KANSL1L: variants seen among roughly 807,000 people sequenced by gnomAD.
The protein encoded by KANSL1L is KAT8 regulatory NSL complex subunit 1-like protein.
Under a neutral mutation model 108.6 loss-of-function variants are expected in KANSL1L, and 25 were observed. The observed-to-expected ratio is 0.23, with a 90% CI of 0.17 to 0.32. The LOEUF is 0.32. Among genes scored for constraint, KANSL1L ranks in the 10% least tolerant of loss-of-function variants. The probability of loss-of-function intolerance (pLI) is 1.00; values close to 1 mark genes in which losing one functional copy is unlikely to be tolerated. For missense variants in KANSL1L, 1,137 were observed against 1,125.7 expected, an observed-to-expected ratio of 1.01 and a Z score of -0.14; for synonymous variants, 405 against 395.1, an observed-to-expected ratio of 1.03 and a Z score of -0.30.
chr2:210,107,487 G>GCTAATAACT (rs1366221835), intron 3 of KANSL1L, among the ~76,000 whole-genome samples: 14 of 148,354 alleles, frequency 9.4e-5, no homozygotes, highest in African/African-American at 3.2e-4. Context: ...AAAGGATGTT[G>GCTAATAACT]CTAATAACTG....
chr2:210,051,059 G>A (rs1192056359), intron 6 of KANSL1L, among the ~76,000 whole-genome samples: 2 of 151,936 alleles, frequency 1.3e-5, no homozygotes, highest in Non-Finnish European at 2.9e-5. Flanking sequence ...GAATGTACAT[G>A]ATGAACATTC....
chr2:210,139,464 A>G (rs2095207292), intron 2 of KANSL1L, among the ~76,000 whole-genome samples: 1 of 152,120 alleles, frequency 6.6e-6, no homozygotes, highest in Non-Finnish European at 1.5e-5. Flanking sequence ...TCTATTTTAA[A>G]TTTCCAGAGA....
chr2:210,155,479 A>C (rs955435624), intron 1 of KANSL1L, among the ~76,000 whole-genome samples: 3 of 152,198 alleles, frequency 2.0e-5, no homozygotes, highest in African/African-American at 7.2e-5. Flanking sequence ...TGTTAAAAAT[A>C]TGTGATAGTA....
At chr2:210,065,290 C>CAA (rs60860386) in intron 6 of KANSL1L, among the ~76,000 whole-genome samples, 2 of 53,266 alleles carry the variant, frequency 3.8e-5, no homozygotes, top group African/African-American at 8.2e-5. Flanking sequence ...GACTCTGTCT[C>CAA]AAAAAAAAAA....
intron 5 of KANSL1L, among the ~76,000 whole-genome samples, chr2:210,095,178 C>T (rs1342186099): frequency 1.3e-5 from 2 of 152,082 alleles, no homozygotes; most frequent in Non-Finnish European, 2.9e-5. Context: ...CTACATTTCT[C>T]ACCTGTAGCT....
rs751759752 is a variant in KANSL1L, at chr2:210,129,142, T to C, written c.1119A>G (p.Val373=). 1 of 1,613,876 alleles carries C rather than the reference T, an allele frequency of 6.2e-7. No individual in the cohort carries two copies. The highest frequency in any genetic ancestry group is 1.1e-5 in the South Asian group (1 of 91,072). The change falls in exon 3 of 15, where the codon GTA becomes GTG. Residue 373 remains valine, a synonymous_variant. Transcript: ENST00000281772. ...ATCGGCTGCCAACTCGTGCTCTGTC[T>C]ACAAGCCACTTCCATTCAGTACTAC... ...VNCSTEWKWL[V]DRARVGSRWT...
intron 3 of KANSL1L, among the ~76,000 whole-genome samples, chr2:210,121,379 G>A (rs184640821): frequency 6.6e-5 from 10 of 152,264 alleles, no homozygotes; most frequent in African/African-American, 2.4e-4. Context: ...ATTATCCTTA[G>A]CAAACTAACT....
chr2:210,029,935 C>G lies in KANSL1L; in HGVS notation c.2156-17G>C. ...TTCTTTCTCCTGCCATGGAAAGAAC[C>G]ATTGAATGTTACACATTAAACAAGT... On this transcript the variant is annotated splice_polypyrimidine_tract_variant and intron_variant, in intron 9 of 14. Transcript: ENST00000281772. 7.8e-7 allele frequency: 1 copy of G among 1,288,156 alleles called. No individual in the cohort carries two copies. The highest frequency in any genetic ancestry group is 1.2e-5 in the South Asian group (1 of 81,010). 79.8% of individuals were successfully genotyped at this position (1,288,156 alleles called of 1,614,324 possible). A position where few individuals can be genotyped will look rare whatever the true frequency, so the allele number is the denominator to read the frequency against.
intron 2 of KANSL1L, among the ~76,000 whole-genome samples, chr2:210,150,422 T>A (rs2095294600): frequency 6.6e-6 from 1 of 152,220 alleles, no homozygotes; most frequent in Non-Finnish European, 1.5e-5. Flanking sequence ...CTCACTAAAT[T>A]CAAGAAATAA....
At chr2:210,102,846 G>C (rs1162040111) in intron 4 of KANSL1L, among the ~76,000 whole-genome samples, 1 of 152,164 alleles carries the variant, frequency 6.6e-6, no homozygotes, top group African/African-American at 2.4e-5. Flanking sequence ...TGGAGAAATA[G>C]GAACACTTTT....
chr2:210,114,731 G>A (rs10048697), intron 3 of KANSL1L, among the ~76,000 whole-genome samples: 149,305 of 152,132 alleles, frequency 0.98, 73,326 homozygotes, highest in Middle Eastern at 1. Flanking sequence ...TATTTAAAAT[G>A]ATTATTAATG....
At chr2:210,062,083 C>T (rs944775692) in intron 6 of KANSL1L, among the ~76,000 whole-genome samples, 10 of 152,116 alleles carry the variant, frequency 6.6e-5, no homozygotes, top group African/African-American at 2.4e-4. Context: ...TTAGTTGTGT[C>T]CCCACCCAAA....
chr2:210,127,110 T>C (rs980627369), intron 3 of KANSL1L, among the ~76,000 whole-genome samples: 3 of 152,178 alleles, frequency 2.0e-5, no homozygotes, highest in African/African-American at 4.8e-5. Context: ...GACAGACCTA[T>C]ATTCCAATGG....
intron 3 of KANSL1L, among the ~76,000 whole-genome samples, chr2:210,105,677 T>C (rs2094840480): frequency 6.6e-6 from 1 of 151,996 alleles, no homozygotes; most frequent in Admixed American, 6.5e-5. Flanking sequence ...TATTCAGTTA[T>C]GGTATTAAAT....
chr2:210,096,663 A>G, intron 5 of KANSL1L: 5 of 982,076 alleles, frequency 5.1e-6, no homozygotes, highest in East Asian at 1.1e-4. Flanking sequence ...ATTCACCTAC[A>G]TTATGACTTT....
chr2:210,171,198 G>A lies in KANSL1L; in HGVS notation c.-79C>T, dbSNP rs1484879500. 6.5e-6 allele frequency: 1 copy of A among 154,902 alleles called. No homozygotes were observed. Among genetic ancestry groups the A allele is most frequent in the Non-Finnish European group, 1.4e-5 (1 of 69,502 alleles). 9.6% of individuals were successfully genotyped at this position (154,902 alleles called of 1,614,324 possible). On this transcript the variant is annotated 5_prime_UTR_variant, in exon 1 of 15. It adds an upstream start codon to the 5' untranslated region. Coordinates refer to ENST00000281772, the MANE Select transcript of KANSL1L (RefSeq NM_152519.4). Reference sequence around the variant, plus strand: ...CCGCCGCCGCACCTTCGGTCCGGCCGTGGTGGGGGCTGCTGAGGTGATCTC... The same window carrying A: ...CCGCCGCCGCACCTTCGGTCCGGCCATGGTGGGGGCTGCTGAGGTGATCTC...
intron 3 of KANSL1L, among the ~76,000 whole-genome samples, chr2:210,122,822 G>T (rs1018606187): frequency 6.8e-6 from 1 of 147,564 alleles, no homozygotes; most frequent in Admixed American, 6.8e-5. Context: ...AATACATAAG[G>T]TGCTCAAACA....
chr2:210,070,530 C>T (rs906057490), intron 6 of KANSL1L, among the ~76,000 whole-genome samples: 1 of 152,060 alleles, frequency 6.6e-6, no homozygotes, highest in African/African-American at 2.4e-5. Flanking sequence ...GCGCCCAGCC[C>T]TCTCCTTTCT....
intron 5 of KANSL1L, among the ~76,000 whole-genome samples, chr2:210,082,751 T>G (rs775864629): frequency 6.6e-6 from 1 of 152,190 alleles, no homozygotes; most frequent in Admixed American, 6.5e-5. Context: ...GTTTCTAACA[T>G]TTCCCCCACA....
Sources: allele counts gnomAD v4.1 joint callset (sites outside exome capture counted in the v4.1 genomes callset), GRCh38; gene constraint gnomAD v4.1.1; transcripts MANE v1.5; gene names NCBI Gene and HGNC (gene_info 2026-07-23, HGNC 2026-07-21).